The following NPAS3 variants were observed in gnomAD, a reference collection of about 807,000 sequenced individuals.
NPAS3 encodes neuronal PAS domain-containing protein 3.
In NPAS3, 14 loss-of-function variants were observed where a neutral mutation model predicts 73.1. The observed-to-expected ratio is 0.19, with a 90% CI of 0.13 to 0.30. The LOEUF is 0.30. Among genes scored for constraint, NPAS3 ranks in the 10% least tolerant of loss-of-function variants. The probability of loss-of-function intolerance (pLI) is 1.00; values close to 1 mark genes in which losing one functional copy is unlikely to be tolerated. For missense variants in NPAS3, 1,096 were observed against 1,250.0 expected (o/e 0.88, Z 1.86); for synonymous variants, 620 against 541.5 (o/e 1.14, Z -2.01).
chr14:33,371,715 A>G (rs1176169927), intron 4 of NPAS3, among the ~76,000 whole-genome samples: 2 of 152,188 alleles, frequency 1.3e-5, no homozygotes, highest in African/African-American at 4.8e-5. Context: ...CGCAAAGAGA[A>G]GATAAAATAT....
chr14:33,796,535 A>T (rs1271588645), intron 10 of NPAS3, among the ~76,000 whole-genome samples: 1 of 152,252 alleles, frequency 6.6e-6, no homozygotes, highest in African/African-American at 2.4e-5. Flanking sequence ...CAAATGAGTC[A>T]GTAATCATCA....
At chr14:33,699,553 T>A (rs111420378) in intron 6 of NPAS3, among the ~76,000 whole-genome samples, 13 of 152,310 alleles carry the variant, frequency 8.5e-5, no homozygotes, top group African/African-American at 2.4e-4. Context: ...AATGCAGCCC[T>A]GTAACCTCTG....
At chr14:33,786,020 C>G (rs1366408578) in intron 9 of NPAS3, among the ~76,000 whole-genome samples, 11 of 152,202 alleles carry the variant, frequency 7.2e-5, no homozygotes. Flanking sequence ...GGAGAAGCCT[C>G]TTGTGTCTCA....
rs563673640 is a variant in NPAS3 at position 33,737,798 on chromosome 14, T to G, written c.852+2466T>G. Among the ~76,000 whole-genome samples the G allele has an allele frequency of 3.9e-5, 6 of 152,230 alleles. No individual in the cohort carries two copies. In the South Asian group the frequency reaches 6.2e-4, roughly 16 times the overall value. On this transcript the variant is annotated intron_variant, in intron 7 of 11. Coordinates refer to ENST00000356141, the Ensembl canonical transcript of NPAS3. ...AGCTTATAAAACATTCCAATAAAAC[T>G]GGTAATCACCCCACCACCACACAAT... is the stretch of plus-strand genomic sequence containing the variant.
At chr14:33,007,252 A>C (rs767094874) in intron 1 of NPAS3, among the ~76,000 whole-genome samples, 1 of 152,194 alleles carries the variant, frequency 6.6e-6, no homozygotes, top group African/African-American at 2.4e-5. Flanking sequence ...GGATGCCACA[A>C]GGTGCAGGGA....
At chr14:33,602,343 A>G (rs1039287032) in intron 5 of NPAS3, among the ~76,000 whole-genome samples, 28 of 152,232 alleles carry the variant, frequency 1.8e-4, no homozygotes, top group African/African-American at 6.3e-4. Context: ...CTCGCAGGGC[A>G]TTGGGTAGGG....
chr14:33,508,042 T>C (rs564567407), intron 4 of NPAS3, among the ~76,000 whole-genome samples: 1 of 152,116 alleles, frequency 6.6e-6, no homozygotes, highest in African/African-American at 2.4e-5. Flanking sequence ...CAACTTGCCA[T>C]GGAAAAGTTT....
intron 4 of NPAS3, among the ~76,000 whole-genome samples, chr14:33,510,388 G>A (rs1043716913): frequency 6.6e-6 from 1 of 152,046 alleles, no homozygotes; most frequent in African/African-American, 2.4e-5. Flanking sequence ...TGTCTGGAAA[G>A]TTCAGTAGCC....
intron 1 of NPAS3, among the ~76,000 whole-genome samples, chr14:33,036,870 A>C (rs1255937228): frequency 6.6e-6 from 1 of 152,218 alleles, no homozygotes; most frequent in Non-Finnish European, 1.5e-5. Flanking sequence ...CATCCCATCA[A>C]GGGGCTACCT....
intron 2 of NPAS3, among the ~76,000 whole-genome samples, chr14:33,119,383 AT>A (rs943796246): frequency 8.6e-5 from 13 of 151,976 alleles, no homozygotes; most frequent in Admixed American, 7.2e-4. Flanking sequence ...CTCTTTTAAT[AT>A]TTTTTCCCAC....
chr14:33,331,536 T>A (rs2043985131), intron 3 of NPAS3, among the ~76,000 whole-genome samples: 1 of 152,114 alleles, frequency 6.6e-6, no homozygotes, highest in Admixed American at 6.5e-5. Flanking sequence ...TCCTGTTGTT[T>A]ATCTCCCCCC....
In NPAS3 at chr14:33,566,223, T is replaced by A. The variant is rs555150658; in HGVS notation, c.558+6013T>A. 2.2e-5 allele frequency among the ~76,000 whole-genome samples: 3 copies of A among 134,180 alleles called. No homozygotes were observed. The South Asian group carries it at 8.3e-4, about 37-fold the overall frequency. The allele number at this position is 134,180 out of a possible 152,430, so 88.0% of individuals were successfully genotyped here. ...ATAGCGACCTGGTGAAGAAATTGAT[T>A]TTTCCCCCCCGAAAATGACTGCATG... On this transcript the variant is annotated intron_variant, in intron 5 of 11. Transcript: ENST00000356141.
downstream of NPAS3, chr14:33,801,203 A>G (rs946884016): frequency 1.2e-5 from 18 of 1,504,934 alleles, no homozygotes; most frequent in Non-Finnish European, 1.6e-5. Flanking sequence ...TTTGAATTCG[A>G]GCAGGTCAGC....
At chr14:33,740,526 C>T (rs1240112419) in intron 7 of NPAS3, among the ~76,000 whole-genome samples, 1 of 152,204 alleles carries the variant, frequency 6.6e-6, no homozygotes, top group Non-Finnish European at 1.5e-5. Context: ...CTATGGCATA[C>T]CACTAGAGAT....
At chr14:33,784,745 A>ATTTTTTTTTTTTTTTTTTTT (rs1226491375) in intron 9 of NPAS3, among the ~76,000 whole-genome samples, 13 of 73,858 alleles carry the variant, frequency 1.8e-4, no homozygotes, top group African/African-American at 6.2e-4. Flanking sequence ...TTATTTATTT[A>ATTTTTTTTTTTTTTTTTTTT]TTTTTTTTTT....
intron 5 of NPAS3, among the ~76,000 whole-genome samples, chr14:33,601,352 G>A (rs1191473656): frequency 6.6e-6 from 1 of 152,222 alleles, no homozygotes; most frequent in East Asian, 1.9e-4. Flanking sequence ...TTAGTTTGAT[G>A]AATGCAATTC....
intron 6 of NPAS3, among the ~76,000 whole-genome samples, chr14:33,732,241 A>G (rs1346014777): frequency 1.3e-5 from 2 of 151,982 alleles, no homozygotes; most frequent in African/African-American, 4.8e-5. Flanking sequence ...ACGCACACAC[A>G]CACACACTTT....
intron 1 of NPAS3, among the ~76,000 whole-genome samples, chr14:32,948,958 G>A (rs142753602): frequency 0.027 from 4,162 of 152,106 alleles, 79 homozygotes; most frequent in Non-Finnish European, 0.033. Flanking sequence ...TGTGTTTCCC[G>A]TTTTAATTCT....
chr14:33,231,731 TA>T (rs1161063453), intron 3 of NPAS3, among the ~76,000 whole-genome samples: 3 of 152,212 alleles, frequency 2.0e-5, no homozygotes, highest in Non-Finnish European at 4.4e-5. Flanking sequence ...AACTCTCTTT[TA>T]ATTATTCCTG....
Sources: allele counts gnomAD v4.1 joint callset (sites outside exome capture counted in the v4.1 genomes callset), GRCh38; gene constraint gnomAD v4.1.1; transcripts MANE v1.5; gene names NCBI Gene and HGNC (gene_info 2026-07-23, HGNC 2026-07-21).